The following PLOD2 variants were observed in gnomAD, a reference collection of about 807,000 sequenced individuals.
The protein encoded by PLOD2 is procollagen-lysine,2-oxoglutarate 5-dioxygenase 2, also known as lysine hydroxylase 2.
PLOD2 carries 65 observed loss-of-function variants against 101.0 expected under a neutral mutation model. The ratio of observed to expected loss-of-function variants is 0.64; its 90% CI spans 0.53 to 0.79. The LOEUF is 0.79. Among genes scored for constraint, PLOD2 ranks in the 30% least tolerant of loss-of-function variants. PLOD2 has a pLI of 0.00. For missense variants in PLOD2, 909 were observed against 914.6 expected (o/e 0.99, Z 0.08); for synonymous variants, 314 against 302.9 (o/e 1.04, Z -0.38).
intron 3 of PLOD2, among the ~76,000 whole-genome samples, chr3:146,111,835 G>A (rs1937646554): frequency 7.4e-6 from 1 of 135,376 alleles, no homozygotes; most frequent in African/African-American, 2.6e-5. Flanking sequence ...AAGACTATAA[G>A]TTGTTGATAA....
At chr3:146,121,688 G>T (rs927991894) in intron 2 of PLOD2, among the ~76,000 whole-genome samples, 1 of 151,814 alleles carries the variant, frequency 6.6e-6, no homozygotes. Context: ...AACCAAAATG[G>T]GTTTTTCAGG....
At chr3:146,151,667 T>C (rs748593182) in intron 1 of PLOD2, among the ~76,000 whole-genome samples, 1 of 152,188 alleles carries the variant, frequency 6.6e-6, no homozygotes, top group Non-Finnish European at 1.5e-5. Flanking sequence ...GCAGCCCAGG[T>C]TGCTTACCCG....
chr3:146,143,670 T>G (rs1205922090), intron 1 of PLOD2, among the ~76,000 whole-genome samples: 5 of 152,106 alleles, frequency 3.3e-5, no homozygotes, highest in Admixed American at 2.6e-4. Flanking sequence ...GTTTAGCAAC[T>G]GTACTATATA....
intron 1 of PLOD2, among the ~76,000 whole-genome samples, chr3:146,148,743 A>G (rs1443968694): frequency 6.6e-6 from 1 of 152,168 alleles, no homozygotes; most frequent in African/African-American, 2.4e-5. Flanking sequence ...TGGTTGCATA[A>G]TATTACAACA....
At chr3:146,103,826 TACACACACACACACACACAC>T (rs3059069) in intron 6 of PLOD2, among the ~76,000 whole-genome samples, 378 of 146,606 alleles carry the variant, frequency 2.6e-3, no homozygotes, top group Admixed American at 3.8e-3. Flanking sequence ...CACGAGCATG[TACACACACACACACACACAC>T]ACACACACAC....
In PLOD2 at chr3:146,119,386, A is replaced by G. The variant is rs555148006; in HGVS notation, c.338+1726T>C. On this transcript the variant is annotated intron_variant, in intron 3 of 19. Transcript: ENST00000282903. ...AAATTATGCAGTCTCAGGAATTTGT[A>G]GCAGCACAAGAACTGATTAATACAA... Among the ~76,000 whole-genome samples the G allele has an allele frequency of 4.4e-4, 67 of 152,300 alleles. 1 individual carries two copies. Among genetic ancestry groups the G allele is most frequent in the East Asian group, 2.1e-3 (11 of 5,184 alleles).
intron 1 of PLOD2, among the ~76,000 whole-genome samples, chr3:146,160,111 A>G (rs949494259): frequency 6.6e-6 from 1 of 152,260 alleles, no homozygotes; most frequent in Non-Finnish European, 1.5e-5. Context: ...GAGCACAAAG[A>G]GCACAAATGT....
chr3:146,081,773 A>G lies in PLOD2; in HGVS notation c.1323T>C (p.Ser441=). ...CTTGAACAATATCCACATAATCTTC[A>G]GATCGTGCATAGTATCCATCAGGAC... The part of the protein sequence containing the change: ...ALSPDGYYAR[S]EDYVDIVQGN... Residue 441 remains serine (S), a synonymous_variant, in exon 12 of 20, where the codon TCT becomes TCC. Transcript: ENST00000282903. 6.2e-7 allele frequency: 1 copy of G among 1,610,616 alleles called. No individual in the cohort carries two copies. The highest frequency in any genetic ancestry group is 8.5e-7 in the Non-Finnish European group (1 of 1,176,988).
At chr3:146,088,130 C>G (rs931798028) in intron 9 of PLOD2, among the ~76,000 whole-genome samples, 1 of 151,580 alleles carries the variant, frequency 6.6e-6, no homozygotes, top group Admixed American at 6.6e-5. Flanking sequence ...ATGACAGTAT[C>G]AAAATCCTTT....
At chr3:146,122,466 T>C (rs979640010) in intron 2 of PLOD2, among the ~76,000 whole-genome samples, 8 of 152,142 alleles carry the variant, frequency 5.3e-5, no homozygotes, top group Non-Finnish European at 1.2e-4. Flanking sequence ...ACTACACTAG[T>C]GGTTGTCAAA....
rs987542828 is a variant in PLOD2, at chr3:146,128,296, G to A, written c.110-4067C>T. ...CAGCAAAAGCTATCTCATTTTCTTC[G>A]TTTCAGCAAGATACCTGGCACCATG... On this transcript the variant is annotated intron_variant, in intron 1 of 19. Transcript: ENST00000282903. Among the ~76,000 whole-genome samples the A allele has an allele frequency of 1.7e-4, 26 of 152,078 alleles. 1 individual carries two copies. Among genetic ancestry groups the A allele is most frequent in the Middle Eastern group, 6.8e-3 (2 of 292 alleles).
At chr3:146,119,427 T>TAAA (rs1187460548) in intron 3 of PLOD2, among the ~76,000 whole-genome samples, 1 of 146,630 alleles carries the variant, frequency 6.8e-6, no homozygotes, top group Non-Finnish European at 1.5e-5. Context: ...TTATAACTAG[T>TAAA]AATATCTACT....
At chr3:146,079,323 C>T (rs1936451841) in intron 12 of PLOD2, 66 bp from the exon 13 acceptor site, 1 of 1,238,244 alleles carries the variant, frequency 8.1e-7, no homozygotes, top group Admixed American at 1.9e-5. Flanking sequence ...TCATTTTTAC[C>T]TTTTTAAAAT....
chr3:146,076,589 A>G (rs1936346240), intron 15 of PLOD2, 193 bp downstream of exon 15: 2 of 438,474 alleles, frequency 4.6e-6, no homozygotes, highest in East Asian at 3.7e-5. Context: ...AGCCTCACCC[A>G]TATCTGTTGT....
At position 146,151,292 on chromosome 3, in the gene PLOD2, G is replaced by T. The variant is rs573127463; in HGVS notation, c.109+9589C>A. Reference sequence around the variant, plus strand: ...GTGGGCGGATCACCTGAGGTTGGGAGTTCAAGACCAGCCTGACAAAAATAG... The same window carrying T: ...GTGGGCGGATCACCTGAGGTTGGGATTTCAAGACCAGCCTGACAAAAATAG... On this transcript the variant is annotated intron_variant, in intron 1 of 19. Transcript: ENST00000282903. Among the ~76,000 whole-genome samples the T allele has an allele frequency of 2.0e-5, 3 of 152,276 alleles. No individual in the cohort carries two copies. The East Asian group carries it at 5.8e-4, about 29-fold the overall frequency.
chr3:146,075,289 T>C (rs1167439307), intron 15 of PLOD2, among the ~76,000 whole-genome samples: 1 of 151,498 alleles, frequency 6.6e-6, no homozygotes, highest in Non-Finnish European at 1.5e-5. Flanking sequence ...TCCTACAAAA[T>C]AAAGGACAAT....
At chr3:146,074,775 C>T (rs1417438289) in intron 15 of PLOD2, among the ~76,000 whole-genome samples, 2 of 150,972 alleles carry the variant, frequency 1.3e-5, no homozygotes, top group Non-Finnish European at 3.0e-5. Flanking sequence ...TTTAGATCAC[C>T]TTTCAAATCA....
chr3:146,106,790 A>T, intron 4 of PLOD2, 146 bp from the exon 5 acceptor site: 1 of 676,032 alleles, frequency 1.5e-6, no homozygotes, highest in African/African-American at 1.8e-5. Flanking sequence ...CCATGAAAGA[A>T]ATATGAATTA....
rs550090992 is a variant in PLOD2, at chr3:146,145,803, C to T, written c.109+15078G>A. Reference sequence around the variant, plus strand: ...TCAAAATCCAGAAGCTGTGAGTAAGCCCCACTTTTATCTCAGAAAAGTGAC... The same window carrying T: ...TCAAAATCCAGAAGCTGTGAGTAAGTCCCACTTTTATCTCAGAAAAGTGAC... On this transcript the variant is annotated intron_variant, in intron 1 of 19. Transcript: ENST00000282903. 2.3e-4 allele frequency among the ~76,000 whole-genome samples: 18 copies of T among 78,438 alleles called. No individual in the cohort carries two copies. The South Asian group carries it at 5.5e-3, about 24-fold the overall frequency. The allele number at this position is 78,438 out of a possible 152,430, so 51.5% of individuals were successfully genotyped here.
Sources: allele counts gnomAD v4.1 joint callset (sites outside exome capture counted in the v4.1 genomes callset), GRCh38; gene constraint gnomAD v4.1.1; transcripts MANE v1.5; gene names NCBI Gene and HGNC (gene_info 2026-07-23, HGNC 2026-07-21).